CCDC42: variants seen among roughly 807,000 people sequenced by gnomAD.
The protein encoded by CCDC42 is coiled-coil domain-containing protein 42.
A neutral mutation model predicts 40.8 loss-of-function variants in CCDC42; 38 were observed. The observed-to-expected ratio is 0.93, with a 90% confidence interval of 0.72 to 1.22. The LOEUF is 1.22. Ranked by LOEUF, CCDC42 falls within the 50% of genes most tolerant of loss-of-function variation. The probability of loss-of-function intolerance (pLI) is 0.00; values close to 1 mark genes in which losing one functional copy is unlikely to be tolerated. For synonymous variants in CCDC42, 135 were observed against 157.5 expected (o/e 0.86, Z 1.07); for missense variants, 379 against 416.5 (o/e 0.91, Z 0.78).
chr17:8,731,764 G>T (rs184852664), intron 6 of CCDC42, among the ~76,000 whole-genome samples: 44 of 152,256 alleles, frequency 2.9e-4, no homozygotes, highest in African/African-American at 1.0e-3. Flanking sequence ...GTGGAGAGTG[G>T]GAGGAGGGAG....
chr17:8,735,479 C>T lies in CCDC42; in HGVS notation c.625G>A (p.Glu209Lys). 6.2e-7 allele frequency: 1 copy of T among 1,614,138 alleles called. No individual in the cohort carries two copies. The highest frequency in any genetic ancestry group is 8.5e-7 in the Non-Finnish European group (1 of 1,180,044). The change falls in exon 5 of 7, where the codon GAA (glutamate) becomes AAA (lysine). Residue 209 changes from glutamate (E) to lysine (K), a missense_variant. Physicochemically the swap from Glu to Lys is moderately conservative, Grantham distance 56 (BLOSUM62 1). Coordinates refer to ENST00000293845, the MANE Select transcript of CCDC42 (RefSeq NM_144681.3). The surrounding 1 kb of genome is among the most constrained non-coding windows in gnomAD (Gnocchi z 4.7). ...AKARLARYMEEKDDEILQQNN... is the reference protein window; with the variant it reads ...AKARLARYMEKKDDEILQQNN... ...TGCTGCAGGATCTCATCATCCTTTT[C>T]CTCCATGTAGCGCGCCAGCCGGGCC...
At chr17:8,743,845 T>G in intron 2 of CCDC42, 115 bp from the exon 3 acceptor site, 1 of 716,718 alleles carries the variant, frequency 1.4e-6, no homozygotes, top group Non-Finnish European at 2.4e-6. Context: ...AGAGGGTCCA[T>G]AGGAGCCTCC....
intron 4 of CCDC42, 129 bp downstream of exon 4, chr17:8,741,345 C>G: frequency 4.3e-6 from 4 of 927,050 alleles, no homozygotes; most frequent in Non-Finnish European, 6.7e-6. Context: ...TGCAGAGCTC[C>G]TGGGGCCCAG....
rs779717063 is a variant in CCDC42 at position 8,741,632 on chromosome 17, T to G, written c.334A>C (p.Asn112His). The change falls in exon 4 of 7, where the codon AAC becomes CAC. Residue 112 changes from asparagine (N) to histidine (H), a missense_variant. Coordinates refer to ENST00000293845, the MANE Select transcript of CCDC42 (RefSeq NM_144681.3). Reference sequence around the variant, plus strand: ...TGGCACTTGAGTTCTCGCTCCTTGTTGGCTTTCTTCATGGCGCGGATCCGT... The same window carrying G: ...TGGCACTTGAGTTCTCGCTCCTTGTGGGCTTTCTTCATGGCGCGGATCCGT... ...QKRIRAMKKA[N>H]KERELKCQHM... is the part of the protein sequence containing the mutation. The G allele has an allele frequency of 2.5e-6, 4 of 1,613,780 alleles. No individual in the cohort carries two copies. The highest frequency in any genetic ancestry group is 2.5e-6 in the Non-Finnish European group (3 of 1,180,026).
rs561008163 is a variant in CCDC42, at chr17:8,744,448, G to A, written c.83+79C>T. 4.8e-4 allele frequency: 567 copies of A among 1,187,520 alleles called. 6 individuals are homozygous for A. The South Asian group carries it at 5.8e-3, about 12-fold the overall frequency. The allele number at this position is 1,187,520 out of a possible 1,614,324, so 73.6% of individuals were successfully genotyped here. A position where few individuals can be genotyped will look rare whatever the true frequency, so the allele number is the denominator to read the frequency against. On this transcript the variant is annotated intron_variant, in intron 1 of 6. Coordinates refer to ENST00000293845, the MANE Select transcript of CCDC42 (RefSeq NM_144681.3). ...GGTTACAGGAGAGGAGGGGACAGAC[G>A]GTTGGAAGATGAGGTATGGGGTGGG...
At chr17:8,742,161 T>C (rs2086649709) in intron 3 of CCDC42, among the ~76,000 whole-genome samples, 2 of 152,056 alleles carry the variant, frequency 1.3e-5, no homozygotes, top group South Asian at 4.2e-4. Context: ...CCATTTTCCA[T>C]GGAGCAGAAG....
intron 4 of CCDC42, among the ~76,000 whole-genome samples, chr17:8,738,141 A>G (rs1160395316): frequency 6.6e-6 from 1 of 152,192 alleles, no homozygotes; most frequent in Non-Finnish European, 1.5e-5. Flanking sequence ...TGTGCAATAA[A>G]TGATACTGAT....
chr17:8,743,516 C>CT (rs1245137492), intron 3 of CCDC42, 110 bp downstream of exon 3: 1 of 734,490 alleles, frequency 1.4e-6, no homozygotes, highest in Non-Finnish European at 2.5e-6. Context: ...ACTAAGGATG[C>CT]TTTTTAACTC....
At position 8,741,738 on chromosome 17, in the gene CCDC42, T is replaced by C. The variant is rs1022030609; in HGVS notation, c.295-67A>G. 1.2e-5 allele frequency: 18 copies of C among 1,495,580 alleles called. No individual in the cohort carries two copies. In the African/African-American group the frequency reaches 2.2e-4, roughly 18 times the overall value. The allele number at this position is 1,495,580 out of a possible 1,614,324, so 92.6% of individuals were successfully genotyped here. ...AGCCCTCCCGGGGCCCAGGCCTTCC[T>C]GGGGCTGGTGGTGCCCTCAGACCCC... On this transcript the variant is annotated intron_variant, in intron 3 of 6. Coordinates refer to ENST00000293845, the MANE Select transcript of CCDC42 (RefSeq NM_144681.3).
Position 8,744,064 on chromosome 17 carries a change from T to C in CCDC42, c.189+15A>G. ...TCCTTTCCTGCCCCTCTGCACTCCA[T>C]CCCTGAGTCCCCACCTTCTTCTTCT... On this transcript the variant is annotated intron_variant, in intron 2 of 6. Transcript: ENST00000293845. The C allele has an allele frequency of 1.0e-5, 14 of 1,401,350 alleles. No individual in the cohort carries two copies. The highest frequency in any genetic ancestry group is 1.4e-5 in the Non-Finnish European group (14 of 989,690). The allele number at this position is 1,401,350 out of a possible 1,614,324, so 86.8% of individuals were successfully genotyped here. A position where few individuals can be genotyped will look rare whatever the true frequency, so the allele number is the denominator to read the frequency against.
At chr17:8,742,641 C>T (rs1398626702) in intron 3 of CCDC42, among the ~76,000 whole-genome samples, 1 of 152,238 alleles carries the variant, frequency 6.6e-6, no homozygotes. Flanking sequence ...CATGCAGGAT[C>T]TGTATGCTGC....
intron 2 of CCDC42, 71 bp downstream of exon 2, chr17:8,744,008 C>T: frequency 1.6e-6 from 2 of 1,213,878 alleles, no homozygotes; most frequent in Non-Finnish European, 2.4e-6. Context: ...GGGCTGTCCA[C>T]AGGCTCTCCC....
chr17:8,731,840 C>T (rs1255980123), intron 6 of CCDC42, among the ~76,000 whole-genome samples: 2 of 152,160 alleles, frequency 1.3e-5, no homozygotes, highest in African/African-American at 2.4e-5. Flanking sequence ...ACCTGTACAA[C>T]GAACCCTTGT....
intron 6 of CCDC42, among the ~76,000 whole-genome samples, chr17:8,731,718 AAG>A (rs980705820): frequency 6.6e-6 from 1 of 152,282 alleles, no homozygotes; most frequent in South Asian, 2.1e-4. Context: ...CGTGGACACA[AAG>A]AGGGGAACAA....
Position 8,732,721 on chromosome 17 carries a change from G to A in CCDC42, c.873+2375C>T, listed in dbSNP as rs140143220. On this transcript the variant is annotated intron_variant, in intron 6 of 6. Coordinates refer to ENST00000293845, the MANE Select transcript of CCDC42 (RefSeq NM_144681.3). ...TGTTTGTTTTTTTAATCTCATCTTC[G>A]TTTAATTTAGAGTTTCTAAATGTAT... Among the ~76,000 whole-genome samples, 783 of 152,240 alleles carry A rather than the reference G, an allele frequency of 5.1e-3. 1 individual carries two copies. The highest frequency in any genetic ancestry group is 6.3e-3 in the Non-Finnish European group (431 of 68,020).
Position 8,735,511 on chromosome 17 carries a change from C to CG in CCDC42, c.592dup (p.Arg198ProfsTer15). 6.2e-7 allele frequency: 1 copy of CG among 1,614,090 alleles called. No homozygotes were observed. Among genetic ancestry groups the CG allele is most frequent in the Non-Finnish European group, 8.5e-7 (1 of 1,180,024 alleles). ...GTAGCGCGCCAGCCGGGCCTTGGCGCGCTCAATCTTCTCCTGGCCTTCCTG... is the reference window on the plus strand; with the variant it reads ...GTAGCGCGCCAGCCGGGCCTTGGCGCGGCTCAATCTTCTCCTGGCCTTCCTG... On this transcript the variant is annotated frameshift_variant, in exon 5 of 7. Transcript: ENST00000293845. LOFTEE classifies it high-confidence loss of function. The surrounding 1 kb of genome is among the most constrained non-coding windows in gnomAD (Gnocchi z 4.7).
intron 3 of CCDC42, among the ~76,000 whole-genome samples, chr17:8,742,352 G>C (rs965925388): frequency 1.3e-5 from 2 of 152,160 alleles, no homozygotes; most frequent in African/African-American, 4.8e-5. Flanking sequence ...ATAGGGCCTG[G>C]GGGGTAAGGC....
At chr17:8,742,344 AG>A (rs1314665326) in intron 3 of CCDC42, among the ~76,000 whole-genome samples, 1 of 152,180 alleles carries the variant, frequency 6.6e-6, no homozygotes, top group East Asian at 1.9e-4. Flanking sequence ...CTGGTGCCAT[AG>A]GGCCTGGGGG....
At chr17:8,734,170 C>G (rs1391383393) in intron 6 of CCDC42, among the ~76,000 whole-genome samples, 1 of 152,104 alleles carries the variant, frequency 6.6e-6, no homozygotes, top group Admixed American at 6.5e-5. Flanking sequence ...ATAAAAAATG[C>G]TATTTCTGTT....
Sources: allele counts gnomAD v4.1 joint callset (sites outside exome capture counted in the v4.1 genomes callset), GRCh38; gene constraint gnomAD v4.1.1; non-coding constraint Gnocchi (gnomAD v3.1); transcripts MANE v1.5; gene names NCBI Gene and HGNC (gene_info 2026-07-23, HGNC 2026-07-21).